SGMS1: variants seen among roughly 807,000 people sequenced by gnomAD.
SGMS1 encodes the protein phosphatidylcholine:ceramide cholinephosphotransferase 1.
Under a neutral mutation model 46.2 loss-of-function variants are expected in SGMS1, and 13 were observed. That is an observed-to-expected ratio of 0.28 (90% confidence interval 0.18 to 0.45). The LOEUF (loss-of-function observed/expected upper bound fraction) is 0.45, where lower values mean the gene tolerates loss of function less well. Among genes scored for constraint, SGMS1 ranks in the 20% least tolerant of loss-of-function variants. SGMS1 has a pLI of 1.00. For missense variants in SGMS1, 324 were observed against 519.9 expected (o/e 0.62, Z 3.66); for synonymous variants, 203 against 187.8 (o/e 1.08, Z -0.66).
intron 6 of SGMS1, among the ~76,000 whole-genome samples, chr10:50,351,508 G>T (rs1431642013): frequency 1.3e-5 from 2 of 152,178 alleles, no homozygotes; most frequent in Non-Finnish European, 2.9e-5. Flanking sequence ...ATTTTGAATT[G>T]AATTCCCATA....
intron 3 of SGMS1, among the ~76,000 whole-genome samples, chr10:50,486,234 CA>C (rs1837520191): frequency 6.6e-6 from 1 of 152,068 alleles, no homozygotes; most frequent in African/African-American, 2.4e-5. Context: ...AAGGCAACAC[CA>C]TTCAGGACAT....
chr10:50,451,184 A>G (rs1837104914), intron 5 of SGMS1, among the ~76,000 whole-genome samples: 1 of 152,166 alleles, frequency 6.6e-6, no homozygotes, highest in Admixed American at 6.5e-5. Flanking sequence ...GCTACTTAAC[A>G]ATCATAATAA....
intron 6 of SGMS1, among the ~76,000 whole-genome samples, chr10:50,349,176 A>C (rs1236903026): frequency 6.6e-6 from 1 of 152,226 alleles, no homozygotes; most frequent in Non-Finnish European, 1.5e-5. Context: ...GGACAACAAA[A>C]TTATTCCTTC....
At chr10:50,399,862 A>G (rs1848905834) in intron 6 of SGMS1, among the ~76,000 whole-genome samples, 1 of 151,958 alleles carries the variant, frequency 6.6e-6, no homozygotes, top group African/African-American at 2.4e-5. Context: ...CCCTGTCTCT[A>G]CTAAAAATAT....
At chr10:50,345,132 A>T (rs1054860040) in intron 6 of SGMS1, among the ~76,000 whole-genome samples, 5 of 151,852 alleles carry the variant, frequency 3.3e-5, no homozygotes, top group Non-Finnish European at 5.9e-5. Context: ...TCTTTAAAAA[A>T]AAAAAATCAG....
At chr10:50,571,859 A>G (rs930659503) in intron 2 of SGMS1, among the ~76,000 whole-genome samples, 3 of 152,126 alleles carry the variant, frequency 2.0e-5, no homozygotes, top group African/African-American at 7.2e-5. Flanking sequence ...GGTAAGAAAA[A>G]TAGGAGTTTA....
At chr10:50,374,130 T>C (rs1848486164) in intron 6 of SGMS1, among the ~76,000 whole-genome samples, 1 of 152,208 alleles carries the variant, frequency 6.6e-6, no homozygotes, top group Non-Finnish European at 1.5e-5. Context: ...ACTGATTATA[T>C]TAATATATAT....
At chr10:50,407,214 T>C (rs550816353) in intron 6 of SGMS1, among the ~76,000 whole-genome samples, 1 of 152,188 alleles carries the variant, frequency 6.6e-6, no homozygotes, top group Non-Finnish European at 1.5e-5. Flanking sequence ...TTAACCTCTC[T>C]GGATTTGCTA....
At chr10:50,561,767 G>T (rs1838238707) in intron 2 of SGMS1, among the ~76,000 whole-genome samples, 1 of 152,154 alleles carries the variant, frequency 6.6e-6, no homozygotes, top group African/African-American at 2.4e-5. Flanking sequence ...GCAAGACAGA[G>T]AAATATTTTG....
At chr10:50,619,764 T>A (rs1838832109) in intron 1 of SGMS1, among the ~76,000 whole-genome samples, 1 of 152,190 alleles carries the variant, frequency 6.6e-6, no homozygotes, top group Non-Finnish European at 1.5e-5. Context: ...AGGGAGTAGA[T>A]CAGCTTGTCA....
chr10:50,313,190 A>C (rs1847285454), intron 8 of SGMS1, among the ~76,000 whole-genome samples: 1 of 152,192 alleles, frequency 6.6e-6, no homozygotes, highest in South Asian at 2.1e-4. Flanking sequence ...CAAAGACAGG[A>C]TAGGAAACTT....
chr10:50,333,153 C>T (rs1221334155), intron 7 of SGMS1, among the ~76,000 whole-genome samples: 2 of 152,126 alleles, frequency 1.3e-5, no homozygotes, highest in East Asian at 3.9e-4. Context: ...CCATTACCAA[C>T]AAAAATGTCT....
chr10:50,336,765 G>A (rs1298854167), intron 7 of SGMS1, among the ~76,000 whole-genome samples: 1 of 152,078 alleles, frequency 6.6e-6, no homozygotes, highest in African/African-American at 2.4e-5. Context: ...TAGGATTCTG[G>A]GCAAGTCAAT....
chr10:50,567,096 G>A lies in SGMS1; in HGVS notation c.-589+23057C>T, dbSNP rs373343571. 1.6e-4 allele frequency among the ~76,000 whole-genome samples: 24 copies of A among 152,134 alleles called. 1 individual carries two copies. The South Asian group carries it at 4.4e-3, about 28-fold the overall frequency. ...CAAGTAGCTGGGATTACAGGCACCC[G>A]CCACTACGCTCAGCTAATTTTTGTA... On this transcript the variant is annotated intron_variant, in intron 2 of 10. Transcript: ENST00000361781.
intron 2 of SGMS1, among the ~76,000 whole-genome samples, chr10:50,581,245 C>T (rs148540817): frequency 4.5e-4 from 69 of 152,298 alleles, no homozygotes; most frequent in Admixed American, 8.5e-4. Flanking sequence ...TAATGTGCAG[C>T]CAGTGGTAGA....
At chr10:50,615,399 T>G (rs1441799473) in intron 1 of SGMS1, among the ~76,000 whole-genome samples, 1 of 152,212 alleles carries the variant, frequency 6.6e-6, no homozygotes, top group Non-Finnish European at 1.5e-5. Context: ...CAGTACCTTA[T>G]AAATGTTAAT....
chr10:50,616,294 G>GTATTTATT (rs150519306), intron 1 of SGMS1, among the ~76,000 whole-genome samples: 8 of 151,498 alleles, frequency 5.3e-5, no homozygotes, highest in African/African-American at 1.5e-4. Flanking sequence ...CTAATTTTAT[G>GTATTTATT]TATTTATTTA....
intron 2 of SGMS1, among the ~76,000 whole-genome samples, chr10:50,540,487 C>A (rs10826165): frequency 1.9e-4 from 29 of 152,158 alleles, no homozygotes; most frequent in African/African-American, 7.0e-4. Context: ...AGCCACTAGA[C>A]ATATACCAAC....
At chr10:50,587,416 C>A (rs1268694388) in intron 2 of SGMS1, among the ~76,000 whole-genome samples, 2 of 152,154 alleles carry the variant, frequency 1.3e-5, no homozygotes, top group Non-Finnish European at 2.9e-5. Context: ...GGGTGGATCA[C>A]GAGGTCAGGA....
Sources: allele counts gnomAD v4.1 joint callset (sites outside exome capture counted in the v4.1 genomes callset), GRCh38; gene constraint gnomAD v4.1.1; transcripts MANE v1.5; gene names NCBI Gene and HGNC (gene_info 2026-07-23, HGNC 2026-07-21).